The following SLC36A1 variants were observed in gnomAD, a reference collection of about 807,000 sequenced individuals.
The protein encoded by SLC36A1 is proton-coupled amino acid transporter 1.
A neutral mutation model predicts 47.5 loss-of-function variants in SLC36A1; 30 were observed. The observed-to-expected ratio is 0.63, with a 90% CI of 0.47 to 0.86. The LOEUF is 0.86. SLC36A1 is among the 40% of genes least tolerant of loss of function. The probability of loss-of-function intolerance (pLI) is 0.00; values close to 1 mark genes in which losing one functional copy is unlikely to be tolerated. For synonymous variants in SLC36A1, 255 were observed against 249.7 expected, an observed-to-expected ratio of 1.02 and a Z score of -0.20; for missense variants, 517 against 606.0, an observed-to-expected ratio of 0.85 and a Z score of 1.54.
At chr5:151,381,081 C>A in the SLC36A1 span, 1 of 470,564 alleles carries the variant, frequency 2.1e-6, no homozygotes, top group Non-Finnish European at 4.0e-6. Context: ...AGGCACCAGC[C>A]ACACGACCAT....
chr5:151,356,095 T>C, the SLC36A1 span, among the ~76,000 whole-genome samples: 2 of 151,880 alleles, frequency 1.3e-5, no homozygotes, highest in African/African-American at 2.4e-5. Flanking sequence ...TCCCAGAACT[T>C]TGGGAGGCTG....
chr5:151,400,902 C>G, the SLC36A1 span, among the ~76,000 whole-genome samples: 1 of 151,982 alleles, frequency 6.6e-6, no homozygotes, highest in Non-Finnish European at 1.5e-5. Flanking sequence ...TATTCAAGTT[C>G]CTTATACATT....
chr5:151,502,691 T>G, the SLC36A1 span, among the ~76,000 whole-genome samples: 2 of 148,314 alleles, frequency 1.3e-5, no homozygotes, highest in Non-Finnish European at 2.9e-5. Flanking sequence ...GAGTTCTCAT[T>G]CACTGCTGGT....
intron 1 of SLC36A1, 43 bp from the exon 2 acceptor site, chr5:151,458,745 G>C (rs781526672): frequency 1.9e-6 from 3 of 1,596,546 alleles, no homozygotes; most frequent in Non-Finnish European, 2.6e-6. Context: ...GGAGCTAAAG[G>C]CTCCAGCTGC....
At chr5:151,414,278 A>G in the SLC36A1 span, among the ~76,000 whole-genome samples, 1 of 139,496 alleles carries the variant, frequency 7.2e-6, no homozygotes, top group Non-Finnish European at 1.5e-5. Flanking sequence ...ATGAGAGACA[A>G]GAAGGGAGCA....
chr5:151,553,150 C>T, the SLC36A1 span: 3 of 1,611,484 alleles, frequency 1.9e-6, no homozygotes, highest in Non-Finnish European at 2.5e-6. Flanking sequence ...GGGGTTGGCC[C>T]TTGTTGGGCC....
chr5:151,442,241 G>A (rs1252759408), intron 1 of SLC36A1, among the ~76,000 whole-genome samples: 1 of 152,140 alleles, frequency 6.6e-6, no homozygotes, highest in Non-Finnish European at 1.5e-5. Flanking sequence ...TGTAACTATA[G>A]TGAAGTGAAT....
chr5:151,352,882 C>T, the SLC36A1 span, among the ~76,000 whole-genome samples: 1 of 152,234 alleles, frequency 6.6e-6, no homozygotes, highest in Non-Finnish European at 1.5e-5. Flanking sequence ...AACTCAATCA[C>T]ATCTTCAAAG....
intron 7 of SLC36A1, among the ~76,000 whole-genome samples, chr5:151,469,794 A>G (rs987168247): frequency 2.6e-5 from 4 of 151,032 alleles, no homozygotes; most frequent in Non-Finnish European, 5.9e-5. Context: ...ATGATATATT[A>G]GTATTTATAT....
At chr5:151,350,085 C>G in the SLC36A1 span, among the ~76,000 whole-genome samples, 3 of 152,084 alleles carry the variant, frequency 2.0e-5, no homozygotes, top group South Asian at 6.2e-4. Flanking sequence ...AAATGAAACC[C>G]CTACCTGGAT....
chr5:151,420,698 G>C, the SLC36A1 span, among the ~76,000 whole-genome samples: 1 of 152,074 alleles, frequency 6.6e-6, no homozygotes, highest in Non-Finnish European at 1.5e-5. Flanking sequence ...AGTAAGAAAG[G>C]AATGTCCCTA....
At chr5:151,423,735 A>G in the SLC36A1 span, among the ~76,000 whole-genome samples, 1 of 152,224 alleles carries the variant, frequency 6.6e-6, no homozygotes, top group East Asian at 1.9e-4. Context: ...TATTTGTCCA[A>G]AAAACATAGA....
the SLC36A1 span, among the ~76,000 whole-genome samples, chr5:151,345,045 C>T: frequency 6.6e-6 from 1 of 152,146 alleles, no homozygotes; most frequent in Non-Finnish European, 1.5e-5. Flanking sequence ...TCAGACCCTT[C>T]CTTTAAGACA....
the SLC36A1 span, chr5:151,531,770 C>A: frequency 6.2e-7 from 1 of 1,612,508 alleles, no homozygotes; most frequent in Admixed American, 1.7e-5. The surrounding 1 kb of genome is among the most constrained non-coding windows in gnomAD (Gnocchi z 5.7). Flanking sequence ...TCTTCTAGGC[C>A]CACCACCGAG....
At chr5:151,456,660 A>T (rs982277144) in intron 1 of SLC36A1, among the ~76,000 whole-genome samples, 1 of 152,158 alleles carries the variant, frequency 6.6e-6, no homozygotes, top group African/African-American at 2.4e-5. Context: ...TTTTTAGCCA[A>T]GTGGCTCTGG....
In SLC36A1 at chr5:151,467,697, C is replaced by T. The variant is rs765837667; in HGVS notation, c.505-10C>T. The T allele has an allele frequency of 1.2e-6, 2 of 1,611,898 alleles. No homozygotes were observed. The highest frequency in any genetic ancestry group is 1.3e-5 in the African/African-American group (1 of 74,878). On this transcript the variant is annotated splice_polypyrimidine_tract_variant and intron_variant, in intron 6 of 10. Coordinates refer to ENST00000243389, the MANE Select transcript of SLC36A1 (RefSeq NM_078483.4). ...AGGTGTTTCCGTTTTCTTCCTTCCC[C>T]TCATTCTAGGTGATAGAAGCGGCCA...
the SLC36A1 span, among the ~76,000 whole-genome samples, chr5:151,513,472 C>T: frequency 2.0e-5 from 3 of 152,112 alleles, no homozygotes; most frequent in Non-Finnish European, 4.4e-5. Context: ...CGGCCATTAT[C>T]CTAAGCAAAC....
At chr5:151,421,830 T>A in the SLC36A1 span, among the ~76,000 whole-genome samples, 3 of 152,048 alleles carry the variant, frequency 2.0e-5, no homozygotes, top group Non-Finnish European at 4.4e-5. Flanking sequence ...AACCTTGTGA[T>A]CCACCCGCCT....
At chr5:151,387,650 G>A in the SLC36A1 span, among the ~76,000 whole-genome samples, 1 of 152,246 alleles carries the variant, frequency 6.6e-6, no homozygotes, top group African/African-American at 2.4e-5. Context: ...TCCCAGGGCT[G>A]GAGTGTAGTG....
Sources: gnomAD v4.1 joint callset for allele counts (sites outside exome capture counted in the v4.1 genomes callset) on GRCh38, gnomAD v4.1.1 for gene constraint, Gnocchi (gnomAD v3.1) non-coding constraint, MANE v1.5 for transcripts, NCBI Gene and HGNC (gene_info 2026-07-23, HGNC 2026-07-21) for gene names.